Variants in BACE1 observed in about 807,000 individuals in gnomAD.
The protein encoded by BACE1 is beta-secretase 1, also known as APP beta-secretase.
Under a neutral mutation model 54.0 loss-of-function variants are expected in BACE1, and 21 were observed. That is an observed-to-expected ratio of 0.39 (90% CI 0.28 to 0.56). The LOEUF (loss-of-function observed/expected upper bound fraction) is 0.56, where lower values mean the gene tolerates loss of function less well. Among genes scored for constraint, BACE1 ranks in the 20% least tolerant of loss-of-function variants. The probability of loss-of-function intolerance (pLI) is 0.63; values close to 1 mark genes in which losing one functional copy is unlikely to be tolerated. For missense variants in BACE1, 511 were observed against 661.2 expected, an observed-to-expected ratio of 0.77 and a Z score of 2.49; for synonymous variants, 232 against 260.9, an observed-to-expected ratio of 0.89 and a Z score of 1.07.
In BACE1 at chr11:117,294,171, C is replaced by T. The variant is rs549063618; in HGVS notation, c.568-163G>A. On this transcript the variant is annotated intron_variant, in intron 3 of 8. Transcript: ENST00000313005. ...GGCAGAGGAAGGGTTAGCAGGAGCC[C>T]TGGCAATGCAAACAGGACAGTATTG... 5.3e-4 allele frequency: 353 copies of T among 661,040 alleles called. 1 individual carries two copies. The highest frequency in any genetic ancestry group is 3.8e-3 in the Middle Eastern group (9 of 2,376). 40.9% of individuals were successfully genotyped at this position (661,040 alleles called of 1,614,324 possible).
At chr11:117,298,237 G>C (rs1299615183) in intron 1 of BACE1, among the ~76,000 whole-genome samples, 2 of 152,090 alleles carry the variant, frequency 1.3e-5, no homozygotes, top group Non-Finnish European at 2.9e-5. Context: ...AGGAGGCGGA[G>C]GTTGCAGTGA....
chr11:117,305,143 A>G (rs1565364763), intron 1 of BACE1, among the ~76,000 whole-genome samples: 1 of 152,022 alleles, frequency 6.6e-6, no homozygotes, highest in Non-Finnish European at 1.5e-5. Flanking sequence ...GTGAATATCC[A>G]CCCAGGGTCC....
At chr11:117,309,115 G>A (rs750475560) in intron 1 of BACE1, among the ~76,000 whole-genome samples, 5 of 152,052 alleles carry the variant, frequency 3.3e-5, no homozygotes, top group African/African-American at 9.7e-5. Flanking sequence ...CTGGTTAAAC[G>A]ATGGATGAAT....
intron 1 of BACE1, among the ~76,000 whole-genome samples, chr11:117,310,574 C>T (rs1250513320): frequency 1.3e-5 from 2 of 152,096 alleles, no homozygotes; most frequent in Non-Finnish European, 2.9e-5. Flanking sequence ...GCGCCTGCCA[C>T]CACGCCTGGC....
chr11:117,290,853 A>G, intron 7 of BACE1, 47 bp downstream of exon 7: 2 of 1,599,802 alleles, frequency 1.3e-6, no homozygotes, highest in Non-Finnish European at 1.7e-6. Context: ...ACTGTCTCCC[A>G]GTGTGTACTT....
At chr11:117,297,775 A>G (rs1396595958) in intron 1 of BACE1, among the ~76,000 whole-genome samples, 3 of 152,192 alleles carry the variant, frequency 2.0e-5, no homozygotes, top group Non-Finnish European at 4.4e-5. Flanking sequence ...AGACCTTTAA[A>G]CATGTCAGAC....
At chr11:117,312,243 A>C (rs979309671) in intron 1 of BACE1, among the ~76,000 whole-genome samples, 1 of 152,196 alleles carries the variant, frequency 6.6e-6, no homozygotes, top group African/African-American at 2.4e-5. Flanking sequence ...TTAAGGGGGT[A>C]GGGTGGGAAG....
Position 117,302,367 on chromosome 11 carries a change from C to A in BACE1, c.262-5406G>T, listed in dbSNP as rs917344219. Among the ~76,000 whole-genome samples the A allele has an allele frequency of 2.0e-5, 3 of 151,960 alleles. No individual in the cohort carries two copies. In the South Asian group the frequency reaches 6.2e-4, roughly 32 times the overall value. ...ACAAAACAAAACAAAACAAAACCAA[C>A]CAAAAAACCCATAAAGCTCTGCTGC... On this transcript the variant is annotated intron_variant, in intron 1 of 8. Transcript: ENST00000313005.
intron 1 of BACE1, among the ~76,000 whole-genome samples, chr11:117,312,347 C>T (rs1278037231): frequency 6.6e-6 from 1 of 152,240 alleles, no homozygotes; most frequent in African/African-American, 2.4e-5. Flanking sequence ...CACTCCTGTC[C>T]ATCCTTCAAG....
intron 1 of BACE1, among the ~76,000 whole-genome samples, chr11:117,309,415 C>T (rs551669383): frequency 5.3e-5 from 8 of 152,326 alleles, no homozygotes; most frequent in Middle Eastern, 6.8e-3. Context: ...TGAAGTGCTC[C>T]TCCTCACCAC....
chr11:117,315,506 A>G lies in BACE1; in HGVS notation c.261+29T>C, dbSNP rs781060820. The G allele has an allele frequency of 1.3e-5, 21 of 1,562,138 alleles. No individual in the cohort carries two copies. Among genetic ancestry groups the G allele is most frequent in the Non-Finnish European group, 1.7e-5 (20 of 1,159,104 alleles). ...GTCTCCCCTCTGCTCATGCAGGCGG[A>G]GGGCTAAGGGCTGGCCTGACCACCT... On this transcript the variant is annotated intron_variant, in intron 1 of 8. Coordinates refer to ENST00000313005, the MANE Select transcript of BACE1 (RefSeq NM_012104.6). This position sits in a 1 kb window ranked among gnomAD's most constrained non-coding sequence, Gnocchi z 5.5.
At chr11:117,296,462 G>C (rs1297808076) in intron 2 of BACE1, among the ~76,000 whole-genome samples, 1 of 152,136 alleles carries the variant, frequency 6.6e-6, no homozygotes, top group African/African-American at 2.4e-5. Context: ...CACAGCAAGG[G>C]GAGCCGTCAC....
At chr11:117,307,867 G>C (rs1273641752) in intron 1 of BACE1, among the ~76,000 whole-genome samples, 2 of 152,294 alleles carry the variant, frequency 1.3e-5, no homozygotes, top group African/African-American at 4.8e-5. Context: ...GGCAGGGACT[G>C]GGTAGGCAAC....
intron 1 of BACE1, among the ~76,000 whole-genome samples, chr11:117,312,804 A>G (rs151209020): frequency 2.0e-5 from 3 of 152,258 alleles, no homozygotes; most frequent in East Asian, 3.9e-4. Context: ...ACGGGGCCCC[A>G]CTGTCAGAGA....
At position 117,296,284 on chromosome 11, in the gene BACE1, C is replaced by T. The variant is rs28989495; in HGVS notation, c.350+589G>A. Among the ~76,000 whole-genome samples the T allele has an allele frequency of 2.0e-3, 305 of 152,174 alleles. 1 individual carries two copies. Among genetic ancestry groups the T allele is most frequent in the Non-Finnish European group, 2.5e-3 (172 of 68,010 alleles). On this transcript the variant is annotated intron_variant, in intron 2 of 8. Transcript: ENST00000313005. The stretch of plus-strand genomic sequence containing the variant: ...ACTTTCACCAGTCCTCTTCAACCCC[C>T]CTTTCACCAGTAAGCTGAATCCAAC...
chr11:117,293,854 T>C lies in BACE1; in HGVS notation c.705+17A>G, dbSNP rs2034524405. On this transcript the variant is annotated intron_variant, in intron 4 of 8. Coordinates refer to ENST00000313005, the MANE Select transcript of BACE1 (RefSeq NM_012104.6). The surrounding 1 kb of genome is among the most constrained non-coding windows in gnomAD (Gnocchi z 4.1). ...TCCCTCAATGCCAGGACCTCCCCTCTCTGAGGACCTACTCACCATGCTCCC... is the reference window on the plus strand; with the variant it reads ...TCCCTCAATGCCAGGACCTCCCCTCCCTGAGGACCTACTCACCATGCTCCC... 2 of 1,604,696 alleles carry C rather than the reference T, an allele frequency of 1.2e-6. No individual in the cohort carries two copies. The highest frequency in any genetic ancestry group is 1.3e-5 in the African/African-American group (1 of 74,462).
At chr11:117,313,838 G>A (rs981857170) in intron 1 of BACE1, among the ~76,000 whole-genome samples, 1 of 152,166 alleles carries the variant, frequency 6.6e-6, no homozygotes, top group Admixed American at 6.5e-5. Context: ...CATATTTGTT[G>A]GAGGTCAGTT....
rs1470480290 is a variant in BACE1 at position 117,293,912 on chromosome 11, G to A, written c.664C>T (p.Leu222Phe). The change falls in exon 4 of 9, where the codon CTC becomes TTC. Residue 222 changes from leucine (L) to phenylalanine (F), a missense_variant. By Grantham distance (22) the Leu-to-Phe change is conservative. Transcript: ENST00000313005. This position sits in a 1 kb window ranked among gnomAD's most constrained non-coding sequence, Gnocchi z 4.1. Reference sequence around the variant, plus strand: ...GAGGCCAGCACTTCAGACTGGTTGAGGGGGAAGCCAGCACCACAAAGCTGC... The same window carrying A: ...GAGGCCAGCACTTCAGACTGGTTGAAGGGGAAGCCAGCACCACAAAGCTGC... Reference protein sequence around the residue: ...SLQLCGAGFPLNQSEVLASVG... With the variant: ...SLQLCGAGFPFNQSEVLASVG... 1.2e-6 allele frequency: 2 copies of A among 1,613,982 alleles called. No individual in the cohort carries two copies. The highest frequency in any genetic ancestry group is 2.2e-5 in the East Asian group (1 of 44,874).
intron 1 of BACE1, among the ~76,000 whole-genome samples, chr11:117,310,696 C>T (rs1321127150): frequency 1.3e-5 from 2 of 152,218 alleles, no homozygotes; most frequent in Non-Finnish European, 2.9e-5. Context: ...GCTGGGATTA[C>T]AGGCGTGAGC....
Sources: gnomAD v4.1 joint callset for allele counts (sites outside exome capture counted in the v4.1 genomes callset) on GRCh38, gnomAD v4.1.1 for gene constraint, Gnocchi (gnomAD v3.1) non-coding constraint, MANE v1.5 for transcripts, NCBI Gene and HGNC (gene_info 2026-07-23, HGNC 2026-07-21) for gene names.